Variants in LRRC4C observed in about 807,000 individuals in gnomAD.
The protein encoded by LRRC4C is leucine rich repeat containing 4C.
In LRRC4C, 5 loss-of-function variants were observed where a neutral mutation model predicts 33.6. The ratio of observed to expected loss-of-function variants is 0.15; its 90% CI spans 0.08 to 0.31. LRRC4C has a LOEUF of 0.31. Among genes scored for constraint, LRRC4C ranks in the 10% least tolerant of loss-of-function variants. LRRC4C has a pLI of 1.00. For missense variants in LRRC4C, 560 were observed against 796.7 expected (o/e 0.70, Z 3.58); for synonymous variants, 329 against 302.0 (o/e 1.09, Z -0.93).
chr11:40,685,849 T>TTTAC (rs1038274160), intron 2 of LRRC4C, among the ~76,000 whole-genome samples: 7 of 151,806 alleles, frequency 4.6e-5, no homozygotes, highest in African/African-American at 1.7e-4. Context: ...AATGGGAAGA[T>TTTAC]TTACTTTGTC....
At chr11:40,740,812 C>T (rs935230911) in intron 2 of LRRC4C, among the ~76,000 whole-genome samples, 3 of 151,988 alleles carry the variant, frequency 2.0e-5, no homozygotes, top group African/African-American at 7.2e-5. Context: ...TTTTTGTATA[C>T]GGTATGAGAT....
At chr11:40,584,536 C>G (rs1958623419) in intron 3 of LRRC4C, among the ~76,000 whole-genome samples, 1 of 151,818 alleles carries the variant, frequency 6.6e-6, no homozygotes, top group Non-Finnish European at 1.5e-5. Flanking sequence ...TTTCAAAAAC[C>G]TTAATCATGG....
chr11:40,870,065 A>G (rs963531436), intron 2 of LRRC4C, among the ~76,000 whole-genome samples: 1 of 152,154 alleles, frequency 6.6e-6, no homozygotes, highest in Admixed American at 6.5e-5. Context: ...ACCAAGAACT[A>G]TATAATAAAA....
At chr11:40,728,376 C>T (rs1177087928) in intron 2 of LRRC4C, among the ~76,000 whole-genome samples, 2 of 151,280 alleles carry the variant, frequency 1.3e-5, no homozygotes, top group African/African-American at 2.4e-5. Context: ...GAGGCCGAGG[C>T]GGACGGATCA....
chr11:41,110,855 C>A (rs1941787219), intron 1 of LRRC4C, among the ~76,000 whole-genome samples: 1 of 151,922 alleles, frequency 6.6e-6, no homozygotes. Flanking sequence ...TTTATTTGTT[C>A]TATTCCAGTG....
At chr11:41,431,632 AGTGTGT>A (rs571043020) in intron 1 of LRRC4C, among the ~76,000 whole-genome samples, 2 of 125,364 alleles carry the variant, frequency 1.6e-5, no homozygotes, top group Non-Finnish European at 3.7e-5. Context: ...GATTTCTAAG[AGTGTGT>A]GTGTGTGTGT....
rs1327297394 is a variant in LRRC4C at position 40,999,271 on chromosome 11, C to T, written c.-495-65548G>A. On this transcript the variant is annotated intron_variant, in intron 1 of 6. Coordinates refer to ENST00000528697, the MANE Select transcript of LRRC4C (RefSeq NM_001258419.2). ...CTCACACTGTGTCTAGCCCCCACCT[C>T]TGTAGAGATTTCTAACTCCTAAGCA... Among the ~76,000 whole-genome samples, 3 of 151,694 alleles carry T rather than the reference C, an allele frequency of 2.0e-5. No individual in the cohort carries two copies. In the East Asian group the frequency reaches 5.8e-4, roughly 29 times the overall value.
At chr11:40,749,927 A>C (rs1425847770) in intron 2 of LRRC4C, among the ~76,000 whole-genome samples, 2 of 152,170 alleles carry the variant, frequency 1.3e-5, no homozygotes, top group Non-Finnish European at 2.9e-5. Flanking sequence ...CTACCAACCT[A>C]AAATTAAGAA....
chr11:41,288,245 C>T (rs1031407820), intron 1 of LRRC4C, among the ~76,000 whole-genome samples: 8 of 152,304 alleles, frequency 5.3e-5, no homozygotes, highest in Non-Finnish European at 7.4e-5. Flanking sequence ...CTTGACAGTA[C>T]GTAATCTCCA....
chr11:40,846,837 G>A (rs1247009837), intron 2 of LRRC4C, among the ~76,000 whole-genome samples: 1 of 152,092 alleles, frequency 6.6e-6, no homozygotes, highest in Non-Finnish European at 1.5e-5. Context: ...ATTTCCATGA[G>A]CAGTGGTGTG....
At chr11:40,546,972 C>A (rs115552281) in intron 3 of LRRC4C, among the ~76,000 whole-genome samples, 338 of 152,226 alleles carry the variant, frequency 2.2e-3, no homozygotes, top group African/African-American at 7.8e-3. Flanking sequence ...CTAGCCTTGG[C>A]AGTACTTGGG....
chr11:40,674,810 T>C (rs940025300), intron 2 of LRRC4C, among the ~76,000 whole-genome samples: 2 of 152,156 alleles, frequency 1.3e-5, no homozygotes, highest in Admixed American at 1.3e-4. Context: ...CTTTTCACCA[T>C]CACCCTTTTA....
intron 5 of LRRC4C, among the ~76,000 whole-genome samples, chr11:40,206,703 G>C (rs1379682097): frequency 6.6e-6 from 1 of 152,136 alleles, no homozygotes; most frequent in East Asian, 1.9e-4. Flanking sequence ...GTCAATTCTG[G>C]TTATTTGGTG....
chr11:41,104,266 A>G (rs1326097495), intron 1 of LRRC4C, among the ~76,000 whole-genome samples: 2 of 151,974 alleles, frequency 1.3e-5, no homozygotes, highest in African/African-American at 2.4e-5. Context: ...AGTCAACTAA[A>G]GTCAAATAAA....
intron 3 of LRRC4C, among the ~76,000 whole-genome samples, chr11:40,327,190 C>T (rs1291874025): frequency 6.6e-6 from 1 of 152,280 alleles, no homozygotes; most frequent in Admixed American, 6.5e-5. Flanking sequence ...ATGTAAGCCT[C>T]CTGTTGACTT....
intron 1 of LRRC4C, among the ~76,000 whole-genome samples, chr11:41,347,826 T>G (rs1042275392): frequency 1.3e-5 from 2 of 152,172 alleles, no homozygotes; most frequent in African/African-American, 4.8e-5. Context: ...TGGAATCACA[T>G]AAGATTGCAT....
chr11:40,127,092 C>A (rs1014355946), intron 6 of LRRC4C, among the ~76,000 whole-genome samples: 1 of 151,832 alleles, frequency 6.6e-6, no homozygotes, highest in Non-Finnish European at 1.5e-5. Flanking sequence ...TCCTGGTGAA[C>A]ATGGTGAAAC....
chr11:41,300,779 T>C (rs905804617), intron 1 of LRRC4C, among the ~76,000 whole-genome samples: 7 of 152,146 alleles, frequency 4.6e-5, no homozygotes, highest in African/African-American at 1.4e-4. Context: ...AATTAGCAAA[T>C]TTTGCTTGCA....
intron 1 of LRRC4C, among the ~76,000 whole-genome samples, chr11:41,046,948 A>G (rs1330079266): frequency 6.6e-6 from 1 of 152,190 alleles, no homozygotes; most frequent in Non-Finnish European, 1.5e-5. Context: ...TAGTAATCTT[A>G]GATTATAAAA....
Sources: gnomAD v4.1 joint callset for allele counts (sites outside exome capture counted in the v4.1 genomes callset) on GRCh38, gnomAD v4.1.1 for gene constraint, MANE v1.5 for transcripts, NCBI Gene and HGNC (gene_info 2026-07-23, HGNC 2026-07-21) for gene names.